RBFOX3: variants seen among roughly 807,000 people sequenced by gnomAD.
The protein encoded by RBFOX3 is RNA binding fox-1 homolog 3.
In RBFOX3, 17 loss-of-function variants were observed where a neutral mutation model predicts 48.7. The ratio of observed to expected loss-of-function variants is 0.35; its 90% CI spans 0.24 to 0.52. RBFOX3 has a LOEUF of 0.52. Ranked by LOEUF, RBFOX3 falls within the 20% of genes least tolerant of loss-of-function variation. The pLI is 0.94. For missense variants in RBFOX3, 382 were observed against 497.5 expected, an observed-to-expected ratio of 0.77 and a Z score of 2.21; for synonymous variants, 212 against 209.5, an observed-to-expected ratio of 1.01 and a Z score of -0.10.
chr17:79,365,455 CA>C (rs2057600388), intron 2 of RBFOX3, among the ~76,000 whole-genome samples: 1 of 152,256 alleles, frequency 6.6e-6, no homozygotes, highest in African/African-American at 2.4e-5. Flanking sequence ...CCTGTGATAA[CA>C]CTTTATTTTA....
intron 3 of RBFOX3, among the ~76,000 whole-genome samples, chr17:79,268,512 C>T (rs983033717): frequency 6.6e-6 from 1 of 152,172 alleles, no homozygotes; most frequent in Non-Finnish European, 1.5e-5. Flanking sequence ...GTCTCTTCTG[C>T]CCTCTGAGCT....
intron 4 of RBFOX3, among the ~76,000 whole-genome samples, chr17:79,190,435 A>AAC (rs1567813630): frequency 2.7e-5 from 4 of 149,630 alleles, no homozygotes; most frequent in African/African-American, 7.3e-5. Flanking sequence ...AAAAAAACAA[A>AAC]AAAACAGAGT....
At position 79,497,448 on chromosome 17, in the gene RBFOX3, G is replaced by A. The variant is rs745442622; in HGVS notation, c.-319-14850C>T. ...AATGGAGCCCAAGCAATACGTTTGGGAAAAAAAGCAATCATCAATGTAATG... is the reference window on the plus strand; with the variant it reads ...AATGGAGCCCAAGCAATACGTTTGGAAAAAAAAGCAATCATCAATGTAATG... On this transcript the variant is annotated intron_variant, in intron 1 of 14. Transcript: ENST00000693108. Among the ~76,000 whole-genome samples the A allele has an allele frequency of 7.3e-3, 1,117 of 152,130 alleles. 14 individuals are homozygous for A. Among genetic ancestry groups the A allele is most frequent in the Middle Eastern group, 0.031 (9 of 294 alleles).
intron 1 of RBFOX3, among the ~76,000 whole-genome samples, chr17:79,524,482 T>C (rs1370067062): frequency 6.6e-6 from 1 of 152,210 alleles, no homozygotes; most frequent in Non-Finnish European, 1.5e-5. Context: ...GCATTTAGGC[T>C]AGCTCTGGGA....
At chr17:79,615,567 C>T (rs2093990446), upstream of RBFOX3, among the ~76,000 whole-genome samples, 1 of 152,174 alleles carries the variant, frequency 6.6e-6, no homozygotes, top group African/African-American at 2.4e-5. Flanking sequence ...CATTGTACCA[C>T]CCTTTCAGTG....
At chr17:79,359,145 G>A (rs1568106626) in intron 2 of RBFOX3, among the ~76,000 whole-genome samples, 3 of 152,208 alleles carry the variant, frequency 2.0e-5, no homozygotes, top group East Asian at 1.9e-4. Flanking sequence ...TGGGTTAGAC[G>A]GATTTAAACG....
intron 4 of RBFOX3, among the ~76,000 whole-genome samples, chr17:79,143,006 G>GT (rs914584379): frequency 2.0e-5 from 3 of 152,162 alleles, no homozygotes; most frequent in African/African-American, 7.2e-5. Context: ...GGACATCCTG[G>GT]TGCACGGTGG....
chr17:79,647,059 C>CTG, the RBFOX3 span, among the ~76,000 whole-genome samples: 2 of 35,992 alleles, frequency 5.6e-5, no homozygotes, highest in South Asian at 1.6e-3. Flanking sequence ...ATTTTCACTG[C>CTG]CGTGTGTGTG....
At chr17:79,176,618 G>A (rs896542312) in intron 4 of RBFOX3, among the ~76,000 whole-genome samples, 45 of 152,334 alleles carry the variant, frequency 3.0e-4, no homozygotes, top group African/African-American at 9.9e-4. Flanking sequence ...CACAGCCCCC[G>A]ACAAGCCAAG....
At chr17:79,526,687 A>T (rs1287300210) in intron 1 of RBFOX3, among the ~76,000 whole-genome samples, 2 of 152,192 alleles carry the variant, frequency 1.3e-5, no homozygotes, top group African/African-American at 2.4e-5. Flanking sequence ...TGAAATGGAC[A>T]TGAGCACTCA....
At chr17:79,387,780 T>C (rs2060762673) in intron 2 of RBFOX3, among the ~76,000 whole-genome samples, 1 of 152,206 alleles carries the variant, frequency 6.6e-6, no homozygotes, top group Admixed American at 6.5e-5. Flanking sequence ...GCCTGGGCAC[T>C]TGGAGTTCAA....
chr17:79,412,852 G>A (rs868665692), intron 2 of RBFOX3, among the ~76,000 whole-genome samples: 5 of 151,328 alleles, frequency 3.3e-5, no homozygotes, highest in Admixed American at 6.6e-5. Flanking sequence ...GTGCGTGTGT[G>A]TATGAATGTA....
chr17:79,146,972 C>T (rs750852354), intron 4 of RBFOX3, among the ~76,000 whole-genome samples: 1 of 152,238 alleles, frequency 6.6e-6, no homozygotes, highest in African/African-American at 2.4e-5. Context: ...CTGCCTGCCT[C>T]CTGGACACAC....
chr17:79,199,692 A>G lies in RBFOX3; in HGVS notation c.-34+36074T>C, dbSNP rs905620993. ...CTTTGTTGCATGAGCTTCATTTCCA[A>G]GAGTCACACATGGCTCCTGGTGACC... On this transcript the variant is annotated intron_variant, in intron 4 of 14. Coordinates refer to ENST00000693108, the MANE Select transcript of RBFOX3 (RefSeq NM_001350451.2). The surrounding 1 kb of genome is among the most constrained non-coding windows in gnomAD (Gnocchi z 5.1). Among the ~76,000 whole-genome samples the G allele has an allele frequency of 1.3e-5, 2 of 152,220 alleles. No homozygotes were observed. Among genetic ancestry groups the G allele is most frequent in the African/African-American group, 4.8e-5 (2 of 41,458 alleles).
At chr17:79,608,963 GC>G (rs1459128593) in intron 1 of RBFOX3, among the ~76,000 whole-genome samples, 2 of 146,062 alleles carry the variant, frequency 1.4e-5, no homozygotes, top group Non-Finnish European at 3.0e-5. Flanking sequence ...CACCCCGCCG[GC>G]GCTCAGTGAC....
chr17:79,428,722 G>A (rs995989038), intron 2 of RBFOX3, among the ~76,000 whole-genome samples: 3 of 152,192 alleles, frequency 2.0e-5, no homozygotes, highest in South Asian at 2.1e-4. Flanking sequence ...CCAGCAGGAC[G>A]TGGCCTGTGA....
At chr17:79,637,140 C>T in the RBFOX3 span, among the ~76,000 whole-genome samples, 2 of 152,008 alleles carry the variant, frequency 1.3e-5, no homozygotes, top group African/African-American at 4.8e-5. Context: ...CATCAGATCA[C>T]CTAAATATAT....
chr17:79,374,657 G>T (rs766164084), intron 2 of RBFOX3, among the ~76,000 whole-genome samples: 1 of 152,234 alleles, frequency 6.6e-6, no homozygotes, highest in African/African-American at 2.4e-5. Flanking sequence ...GGCTCCGTTC[G>T]CATGTTTGCG....
intron 4 of RBFOX3, among the ~76,000 whole-genome samples, chr17:79,126,850 C>G (rs1434253631): frequency 3.3e-5 from 5 of 152,232 alleles, no homozygotes; most frequent in Non-Finnish European, 7.3e-5. Flanking sequence ...CAGTCCACCT[C>G]AGAACAGCTC....
Sources: gnomAD v4.1 joint callset for allele counts (sites outside exome capture counted in the v4.1 genomes callset) on GRCh38, gnomAD v4.1.1 for gene constraint, Gnocchi (gnomAD v3.1) non-coding constraint, MANE v1.5 for transcripts, NCBI Gene and HGNC (gene_info 2026-07-23, HGNC 2026-07-21) for gene names.